LSG1: variants seen among roughly 807,000 people sequenced by gnomAD.
LSG1 encodes the protein large 60S subunit nuclear export GTPase 1.
A neutral mutation model predicts 82.6 loss-of-function variants in LSG1; 55 were observed. The observed-to-expected ratio is 0.67, with a 90% confidence interval of 0.54 to 0.83. The LOEUF (loss-of-function observed/expected upper bound fraction) is 0.83, where lower values mean the gene tolerates loss of function less well. Among genes scored for constraint, LSG1 ranks in the 40% least tolerant of loss-of-function variants. LSG1 has a pLI of 0.00. For missense variants in LSG1, 809 were observed against 807.9 expected (o/e 1.00, Z -0.02); for synonymous variants, 272 against 282.5 (o/e 0.96, Z 0.37).
At chr3:194,646,791 G>A (rs1040679951) in intron 11 of LSG1, among the ~76,000 whole-genome samples, 3 of 152,226 alleles carry the variant, frequency 2.0e-5, no homozygotes, top group Admixed American at 6.5e-5. Flanking sequence ...AAAGTGCTGG[G>A]ATTACAAGCG....
Position 194,653,040 on chromosome 3 carries a change from C to G in LSG1, c.862G>C (p.Ala288Pro), listed in dbSNP as rs1260170062. The G allele has an allele frequency of 6.2e-6, 10 of 1,614,076 alleles. No individual in the cohort carries two copies. The highest frequency in any genetic ancestry group is 8.5e-6 in the Non-Finnish European group (10 of 1,180,038). Reference sequence around the variant, plus strand: ...TCACTAAGTGAAGGAGAATCCCTAGCTGGGAGATGTTCGGATTCACTGTGG... The same window carrying G: ...TCACTAAGTGAAGGAGAATCCCTAGGTGGGAGATGTTCGGATTCACTGTGG... ...ISHSESEHLP[A>P]RDSPSLSENP... is the part of the protein sequence containing the mutation. Residue 288 changes from alanine to proline, a missense_variant, in exon 8 of 14, where the codon GCT becomes CCT. Transcript: ENST00000265245.
chr3:194,642,371 C>G, intron 13 of LSG1, 124 bp from the exon 14 acceptor site: 1 of 674,250 alleles, frequency 1.5e-6, no homozygotes, highest in South Asian at 2.8e-5. Flanking sequence ...ACTTCCGCCC[C>G]CCTCCCCTTC....
Position 194,652,809 on chromosome 3 carries a change from A to G in LSG1, c.1093T>C (p.Ser365Pro), listed in dbSNP as rs1416552640. 6.2e-7 allele frequency: 1 copy of G among 1,614,160 alleles called. No homozygotes were observed. The highest frequency in any genetic ancestry group is 8.5e-7 in the Non-Finnish European group (1 of 1,180,038). ...RQIHNFSHLV[S>P]KQELLELFKE... The stretch of plus-strand genomic sequence containing the variant: ...AAGAGCTCCAGTAACTCCTGCTTGG[A>G]TACCAGATGGCTAAAATTGTGTATC... The change falls in exon 8 of 14, where the codon TCC becomes CCC. Residue 365 changes from serine to proline, a missense_variant. Physicochemically the swap from Ser to Pro is moderately conservative, Grantham distance 74. Transcript: ENST00000265245.
chr3:194,668,071 A>C (rs1719069749), intron 2 of LSG1, among the ~76,000 whole-genome samples: 1 of 151,332 alleles, frequency 6.6e-6, no homozygotes, highest in South Asian at 2.1e-4. Flanking sequence ...CATTGCCACA[A>C]TCCATTTTAG....
intron 5 of LSG1, among the ~76,000 whole-genome samples, chr3:194,661,515 A>G (rs963943698): frequency 2.6e-5 from 4 of 152,224 alleles, no homozygotes; most frequent in South Asian, 4.1e-4. Context: ...ACACAGCACA[A>G]TGGAAGTGCC....
At chr3:194,650,807 T>C in intron 10 of LSG1, 74 bp downstream of exon 10, 1 of 1,483,122 alleles carries the variant, frequency 6.7e-7, no homozygotes, top group Non-Finnish European at 9.1e-7. Flanking sequence ...TCTGAATCCC[T>C]CAAATGCCCA....
Position 194,672,140 on chromosome 3 carries a change from G to A in LSG1, c.23C>T (p.Ala8Val), listed in dbSNP as rs1330841701. 1 of 1,605,068 alleles carries A rather than the reference G, an allele frequency of 6.2e-7. No individual in the cohort carries two copies. The highest frequency in any genetic ancestry group is 1.7e-5 in the Admixed American group (1 of 60,022). The stretch of plus-strand genomic sequence containing the variant: ...AAGGGCCCGTCCCAGCGACCCACCG[G>A]CCGGGGCTCTCCTCCGGCCCATGGC... MGRRRAP[A>V]GGSLGRALMR... Residue 8 changes from alanine (A) to valine (V), a missense_variant, in exon 1 of 14, where the codon GCC (alanine) becomes GTC (valine). Transcript: ENST00000265245.
rs1476942102 is a variant in LSG1 at position 194,641,427 on chromosome 3, A to G, written c.*641T>C. On this transcript the variant is annotated 3_prime_UTR_variant, in exon 14 of 14. Transcript: ENST00000265245. Reference sequence around the variant, plus strand: ...TAACCAGTGAAGATGGGGGCTAGGTAGTAAATACCGCAGCTTCCCTGTCAC... The same window carrying G: ...TAACCAGTGAAGATGGGGGCTAGGTGGTAAATACCGCAGCTTCCCTGTCAC... 2 of 152,190 alleles carry G rather than the reference A, an allele frequency of 1.3e-5. No homozygotes were observed. The highest frequency in any genetic ancestry group is 2.9e-5 in the Non-Finnish European group (2 of 68,048). 9.4% of individuals were successfully genotyped at this position (152,190 alleles called of 1,614,324 possible). A position where few individuals can be genotyped will look rare whatever the true frequency, so the allele number is the denominator to read the frequency against.
At chr3:194,651,515 C>G (rs1395239589) in intron 8 of LSG1, 1 of 364,928 alleles carries the variant, frequency 2.7e-6, no homozygotes, top group Non-Finnish European at 5.0e-6. Context: ...CCCTCACTGC[C>G]CCATCTACAG....
chr3:194,657,431 A>T (rs2108619007), intron 7 of LSG1, among the ~76,000 whole-genome samples: 1 of 151,182 alleles, frequency 6.6e-6, no homozygotes, highest in African/African-American at 2.4e-5. Context: ...CTTTCCATAT[A>T]AAGATGGGAT....
In LSG1 at chr3:194,653,111, T is replaced by A. The variant is rs1201350909; in HGVS notation, c.791A>T (p.Asn264Ile). The A allele has an allele frequency of 6.2e-7, 1 of 1,614,162 alleles. No homozygotes were observed. Among genetic ancestry groups the A allele is most frequent in the Non-Finnish European group, 8.5e-7 (1 of 1,179,976 alleles). ...EEANRDDRQS[N>I]TTKFGHSSFD... is the part of the protein sequence containing the mutation. ...ACTGGAATGTCCAAACTTGGTTGTG[T>A]TGCTTTGTCTATCATCTCTGTTTGC... Residue 264 changes from asparagine to isoleucine, a missense_variant, in exon 8 of 14, where the codon AAC (asparagine) becomes ATC (isoleucine). Physicochemically the swap from Asn to Ile is moderately radical, Grantham distance 149. Transcript: ENST00000265245.
chr3:194,645,521 C>CACAG (rs1172072155), intron 12 of LSG1: 1 of 48,338 alleles, frequency 2.1e-5, no homozygotes, highest in African/African-American at 6.6e-5. Flanking sequence ...CACACACACA[C>CACAG]ACACACACAG....
At chr3:194,660,022 G>A (rs1718891324) in intron 6 of LSG1, 51 bp downstream of exon 6, 1 of 1,451,366 alleles carries the variant, frequency 6.9e-7, no homozygotes, top group South Asian at 1.1e-5. Context: ...ATGCGGTGCT[G>A]GCACTGCTAC....
chr3:194,643,158 T>TTTTGCAAA lies in LSG1; in HGVS notation c.1798-912_1798-911insTTTGCAAA, dbSNP rs1247239699. Among the ~76,000 whole-genome samples the TTTTGCAAA allele has an allele frequency of 1.9e-4, 29 of 152,358 alleles. No individual in the cohort carries two copies. The South Asian group carries it at 5.6e-3, about 29-fold the overall frequency. On this transcript the variant is annotated intron_variant, in intron 13 of 13. Transcript: ENST00000265245. ...AATTATGTGATTTAGCTCTTTTGCA[T>TTTTGCAAA]GTACATTTGACCTTTAAAATACTGC...
Position 194,642,127 on chromosome 3 carries a change from G to GT in LSG1, c.1917dup (p.His640ThrfsTer6), listed in dbSNP as rs754386162. 7 of 1,613,772 alleles carry GT rather than the reference G, an allele frequency of 4.3e-6. 1 individual carries two copies. Among genetic ancestry groups the GT allele is most frequent in the South Asian group, 3.3e-5 (3 of 91,056 alleles). Reference sequence around the variant, plus strand: ...TTTTCTTTTTTATTTCTGTTGCCATGTTTTTTCCAGGGCTTCCCCGCCCCG... The same window carrying GT: ...TTTTCTTTTTTATTTCTGTTGCCATGTTTTTTTCCAGGGCTTCCCCGCCCCG... On this transcript the variant is annotated frameshift_variant, in exon 14 of 14. Coordinates refer to ENST00000265245, the MANE Select transcript of LSG1 (RefSeq NM_018385.3). LOFTEE classifies it high-confidence loss of function.
chr3:194,649,004 T>A, intron 10 of LSG1, 200 bp from the exon 11 acceptor site: 1 of 484,302 alleles, frequency 2.1e-6, no homozygotes. Context: ...CTCCCACGAC[T>A]TTTCCATATG....
chr3:194,663,887 T>C (rs1718980898), intron 5 of LSG1, among the ~76,000 whole-genome samples: 1 of 152,322 alleles, frequency 6.6e-6, no homozygotes, highest in African/African-American at 2.4e-5. Flanking sequence ...TCTGTACCCG[T>C]AGAGAGCTGA....
At chr3:194,645,367 A>T (rs1282337327) in intron 12 of LSG1, 2 of 152,218 alleles carry the variant, frequency 1.3e-5, no homozygotes, top group Non-Finnish European at 2.9e-5. Flanking sequence ...TCTTGAGAAG[A>T]GGAGGAAATA....
rs1468290922 is a variant in LSG1 at position 194,646,217 on chromosome 3, C to T, written c.1570G>A (p.Gly524Arg). 6.2e-7 allele frequency: 1 copy of T among 1,614,078 alleles called. No homozygotes were observed. The highest frequency in any genetic ancestry group is 1.1e-5 in the South Asian group (1 of 91,086). The change falls in exon 12 of 14, where the codon GGA becomes AGA. Residue 524 changes from glycine to arginine, a missense_variant. Transcript: ENST00000265245. ...GYMRGFMTAH[G>R]QPDQPRSARY... ...GCAGATCGAGGCTGGTCTGGCTGTC[C>T]ATGCGCTGTCATGAATCCTCGCATG...
Sources: gnomAD v4.1 joint callset for allele counts (sites outside exome capture counted in the v4.1 genomes callset) on GRCh38, gnomAD v4.1.1 for gene constraint, MANE v1.5 for transcripts, NCBI Gene and HGNC (gene_info 2026-07-23, HGNC 2026-07-21) for gene names.